Variants in NF2 observed in about 807,000 individuals in gnomAD.
NF2 encodes merlin.
A neutral mutation model predicts 83.7 loss-of-function variants in NF2; 8 were observed. The observed-to-expected ratio is 0.10, with a 90% confidence interval of 0.06 to 0.17. NF2 has a LOEUF of 0.17. Among genes scored for constraint, NF2 ranks in the 10% least tolerant of loss-of-function variants. NF2 has a pLI of 1.00. For synonymous variants in NF2, 266 were observed against 269.6 expected, an observed-to-expected ratio of 0.99 and a Z score of 0.13; for missense variants, 533 against 744.4, an observed-to-expected ratio of 0.72 and a Z score of 3.31.
chr22:29,631,010 G>A (rs1353193266), intron 1 of NF2, among the ~76,000 whole-genome samples: 1 of 152,156 alleles, frequency 6.6e-6, no homozygotes, highest in East Asian at 1.9e-4. Flanking sequence ...GGTTCTTGGA[G>A]CCCCACAGGT....
At chr22:29,673,757 C>T (rs2066880223) in intron 12 of NF2, among the ~76,000 whole-genome samples, 1 of 152,226 alleles carries the variant, frequency 6.6e-6, no homozygotes, top group South Asian at 2.1e-4. Context: ...CCTCTGATGG[C>T]CGTGTGTGCA....
At chr22:29,630,200 T>C (rs1421925474) in intron 1 of NF2, among the ~76,000 whole-genome samples, 1 of 152,224 alleles carries the variant, frequency 6.6e-6, no homozygotes, top group African/African-American at 2.4e-5. Flanking sequence ...CCCTGGTTAA[T>C]AGAACTCAAT....
chr22:29,641,478 T>C (rs149378242), intron 3 of NF2, among the ~76,000 whole-genome samples: 88 of 152,336 alleles, frequency 5.8e-4, no homozygotes, highest in African/African-American at 2.1e-3. Flanking sequence ...TTACTGCTTT[T>C]ATGAATCCGG....
At position 29,661,413 on chromosome 22, in the gene NF2, G is replaced by T. The variant is rs2066474776; in HGVS notation, c.810+74G>T. On this transcript the variant is annotated intron_variant, in intron 8 of 15. Transcript: ENST00000338641. ...TGCCCCCCTCACTGGAGCCTCCCCA[G>T]CCAGGGCATCTCCTTGTTATTCATA... The T allele has an allele frequency of 3.1e-6, 5 of 1,594,348 alleles. No individual in the cohort carries two copies. The East Asian group carries it at 1.1e-4, about 36-fold the overall frequency.
intron 4 of NF2, among the ~76,000 whole-genome samples, chr22:29,645,695 T>C (rs891945097): frequency 1.3e-5 from 2 of 152,212 alleles, no homozygotes; most frequent in Admixed American, 1.3e-4. Context: ...GGCTTCCATC[T>C]CAAAGGCTAC....
chr22:29,653,846 G>C (rs2066224175), intron 4 of NF2, among the ~76,000 whole-genome samples: 1 of 152,188 alleles, frequency 6.6e-6, no homozygotes, highest in African/African-American at 2.4e-5. Context: ...GTTGTTTTTG[G>C]TAAAATGAAG....
chr22:29,672,634 A>G (rs961063218), intron 11 of NF2, among the ~76,000 whole-genome samples: 112 of 141,528 alleles, frequency 7.9e-4, no homozygotes, highest in African/African-American at 2.8e-3. Context: ...TTTTTTTTTG[A>G]GATGGAGTTT....
At position 29,636,673 on chromosome 22, in the gene NF2, A is replaced by C. The variant is rs1382512898; in HGVS notation, c.115-78A>C. 3.8e-6 allele frequency: 6 copies of C among 1,593,960 alleles called. No homozygotes were observed. Among genetic ancestry groups the C allele is most frequent in the Non-Finnish European group, 5.2e-6 (6 of 1,162,358 alleles). On this transcript the variant is annotated intron_variant, in intron 1 of 15. Coordinates refer to ENST00000338641, the MANE Select transcript of NF2 (RefSeq NM_000268.4). The surrounding 1 kb of genome is among the most constrained non-coding windows in gnomAD (Gnocchi z 4.4). ...TGTCATCCCCACGTTTTGGAACCTGAGAGTGGAGAGTGCAGAGAAAAGGTT... is the reference window on the plus strand; with the variant it reads ...TGTCATCCCCACGTTTTGGAACCTGCGAGTGGAGAGTGCAGAGAAAAGGTT...
intron 1 of NF2, among the ~76,000 whole-genome samples, chr22:29,609,742 C>T (rs2146694585): frequency 6.6e-6 from 1 of 152,118 alleles, no homozygotes; most frequent in Non-Finnish European, 1.5e-5. Flanking sequence ...TATTGAGAGC[C>T]TTGATTTTTA....
chr22:29,696,795 G>GTTTTT lies in NF2; in HGVS notation c.*2003_*2007dup. The GTTTTT allele has an allele frequency of 5.9e-6, 1 of 170,228 alleles. No homozygotes were observed. Among genetic ancestry groups the GTTTTT allele is most frequent in the Non-Finnish European group, 1.2e-5 (1 of 83,310 alleles). The allele number at this position is 170,228 out of a possible 1,614,324, so 10.5% of individuals were successfully genotyped here. A position where few individuals can be genotyped will look rare whatever the true frequency, so the allele number is the denominator to read the frequency against. On this transcript the variant is annotated 3_prime_UTR_variant, in exon 16 of 16. Transcript: ENST00000338641. Reference sequence around the variant, plus strand: ...AGTGAGGTCTGGCTCTGCCTCCTCCGTTTTTTTTTTTTTTCTGTTTCTGTT... The same window carrying GTTTTT: ...AGTGAGGTCTGGCTCTGCCTCCTCCGTTTTTTTTTTTTTTTTTTTCTGTTTCTGTT...
intron 1 of NF2, among the ~76,000 whole-genome samples, chr22:29,631,689 GT>G (rs1386320983): frequency 1.1e-4 from 17 of 152,192 alleles, no homozygotes; most frequent in Non-Finnish European, 1.2e-4. Context: ...CTAAGGAGAG[GT>G]GGCAGAGTTA....
At chr22:29,627,364 C>A (rs2065393418) in intron 1 of NF2, among the ~76,000 whole-genome samples, 1 of 152,134 alleles carries the variant, frequency 6.6e-6, no homozygotes, top group South Asian at 2.1e-4. Flanking sequence ...ATGTTGTGAG[C>A]TAAATTCCAA....
At chr22:29,606,863 T>G (rs2064811906) in intron 1 of NF2, among the ~76,000 whole-genome samples, 1 of 152,158 alleles carries the variant, frequency 6.6e-6, no homozygotes, top group Admixed American at 6.5e-5. Flanking sequence ...TTGACCAATA[T>G]GGTGAACCCC....
At chr22:29,651,318 T>G (rs1195344696) in intron 4 of NF2, among the ~76,000 whole-genome samples, 2 of 152,236 alleles carry the variant, frequency 1.3e-5, no homozygotes, top group Non-Finnish European at 2.9e-5. Context: ...GTAAACTCCT[T>G]GAATTTAAAT....
intron 13 of NF2, among the ~76,000 whole-genome samples, chr22:29,677,415 T>C (rs1601657373): frequency 6.6e-6 from 1 of 151,848 alleles, no homozygotes; most frequent in South Asian, 2.1e-4. Context: ...ATACTGTCTG[T>C]GACTTAGTAG....
At chr22:29,605,804 A>C (rs955062913) in intron 1 of NF2, among the ~76,000 whole-genome samples, 68 of 152,232 alleles carry the variant, frequency 4.5e-4, no homozygotes, top group African/African-American at 1.6e-3. Context: ...ACTCCAGACT[A>C]TTGCAAACTG....
intron 12 of NF2, 22 bp from the exon 13 acceptor site, chr22:29,674,814 A>T (rs2147091581): frequency 6.5e-7 from 1 of 1,549,950 alleles, no homozygotes; most frequent in South Asian, 1.2e-5. Flanking sequence ...TGTGAAGCTG[A>T]CATCTCATCC....
At chr22:29,678,702 T>A (rs1001697813) in intron 14 of NF2, among the ~76,000 whole-genome samples, 4 of 152,192 alleles carry the variant, frequency 2.6e-5, no homozygotes, top group Non-Finnish European at 4.4e-5. Flanking sequence ...CTCCAGCAAC[T>A]GGGATCTGTG....
intron 9 of NF2, among the ~76,000 whole-genome samples, chr22:29,666,154 C>T (rs1440665063): frequency 1.3e-5 from 2 of 151,692 alleles, no homozygotes; most frequent in African/African-American, 4.8e-5. Flanking sequence ...GTGCTTTTTA[C>T]TTCTATACTT....
Sources: allele counts gnomAD v4.1 joint callset (sites outside exome capture counted in the v4.1 genomes callset), GRCh38; gene constraint gnomAD v4.1.1; non-coding constraint Gnocchi (gnomAD v3.1); transcripts MANE v1.5; gene names NCBI Gene and HGNC (gene_info 2026-07-23, HGNC 2026-07-21).